The following COL5A3 variants were observed in gnomAD, a reference collection of about 807,000 sequenced individuals.
COL5A3 encodes collagen type V alpha 3 chain, also known as collagen alpha-3(V) chain.
A neutral mutation model predicts 250.0 loss-of-function variants in COL5A3; 172 were observed. The observed-to-expected ratio is 0.69, with a 90% CI of 0.61 to 0.78. The LOEUF is 0.78. Ranked by LOEUF, COL5A3 falls within the 30% of genes least tolerant of loss-of-function variation. The pLI is 0.00. For synonymous variants in COL5A3, 937 were observed against 900.4 expected (o/e 1.04, Z -0.73); for missense variants, 2,340 against 2,334.4 (o/e 1.00, Z -0.05).
At position 10,009,543 on chromosome 19, in the gene COL5A3, C is replaced by G. The variant is rs1286430998; in HGVS notation, c.88+755G>C. ...CCCCGCCCTGCGCCCCGCCCCGTCT[C>G]GCCCCTCACCGCGGCCCTCCCCGAA... On this transcript the variant is annotated intron_variant, in intron 1 of 66. Coordinates refer to ENST00000264828, the MANE Select transcript of COL5A3 (RefSeq NM_015719.4). This position sits in a 1 kb window ranked among gnomAD's most constrained non-coding sequence, Gnocchi z 4.4. Among the ~76,000 whole-genome samples, 3 of 152,230 alleles carry G rather than the reference C, an allele frequency of 2.0e-5. No homozygotes were observed. In the East Asian group the frequency reaches 5.8e-4, roughly 30 times the overall value.
rs1036766796 is a variant in COL5A3 at position 9,978,801 on chromosome 19, C to T, written c.2964+90G>A. The T allele has an allele frequency of 7.6e-6, 8 of 1,058,674 alleles. No homozygotes were observed. The African/African-American group carries it at 1.2e-4, about 15-fold the overall frequency. 65.6% of individuals were successfully genotyped at this position (1,058,674 alleles called of 1,614,324 possible). A position where few individuals can be genotyped will look rare whatever the true frequency, so the allele number is the denominator to read the frequency against. ...TTTTTTTTGCTTTCATCATTTCCCG[C>T]ACCCCAAATGCTATTCCCCATCCCT... is the stretch of plus-strand genomic sequence containing the variant. On this transcript the variant is annotated intron_variant, in intron 40 of 66. Transcript: ENST00000264828.
intron 32 of COL5A3, among the ~76,000 whole-genome samples, chr19:9,981,619 T>G (rs1312926817): frequency 6.6e-6 from 1 of 152,156 alleles, no homozygotes; most frequent in Non-Finnish European, 1.5e-5. Flanking sequence ...ACTGTTACAA[T>G]ACACACATAG....
rs142105120 is a variant in COL5A3 at position 9,991,797 on chromosome 19, A to G, written c.1938T>C (p.His646=). Residue 646 remains histidine, a synonymous_variant, in exon 23 of 67, where the codon CAT becomes CAC. Transcript: ENST00000264828. ...EPGPPGQQGN[H]GSQGLPGPQG... ...GAAAGACAGTTCAAACCTGGGACCC[A>G]TGGTTTCCCTGCTGTCCCGGAGGGC... 7.5e-6 allele frequency: 12 copies of G among 1,607,158 alleles called. No individual in the cohort carries two copies. The highest frequency in any genetic ancestry group is 5.1e-5 in the Admixed American group (3 of 59,054).
chr19:10,005,647 G>C lies in COL5A3; in HGVS notation c.505C>G (p.Pro169Ala), dbSNP rs759710288. 2.5e-6 allele frequency: 4 copies of C among 1,614,070 alleles called. No individual in the cohort carries two copies. The East Asian group carries it at 6.7e-5, about 27-fold the overall frequency. The part of the protein sequence containing the change: ...VTLVADCEAQ[P>A]PVLGHGPRFI... ...CGGGGGCCATGGCCCAAAACAGGGG[G>C]CTGAGCTTCACAGTCAGCTACCAGG... is the stretch of plus-strand genomic sequence containing the variant. Residue 169 changes from proline (P) to alanine (A), a missense_variant, in exon 4 of 67, where the codon CCC becomes GCC. By Grantham distance (27) the Pro-to-Ala change is conservative. This residue lies in a region of COL5A3 where 1,152 missense variants were observed against 1,146.3 expected (regional missense o/e 1.00). Coordinates refer to ENST00000264828, the MANE Select transcript of COL5A3 (RefSeq NM_015719.4).
intron 24 of COL5A3, among the ~76,000 whole-genome samples, chr19:9,990,601 C>T (rs141825246): frequency 0.16 from 24,146 of 151,252 alleles, 2,310 homozygotes; most frequent in East Asian, 0.22. Flanking sequence ...CTCGCTCTGT[C>T]GCCCAGGCTG....
chr19:9,986,502 C>G lies in COL5A3; in HGVS notation c.2244+51G>C, dbSNP rs767629587. The G allele has an allele frequency of 3.2e-6, 5 of 1,574,356 alleles. No individual in the cohort carries two copies. The South Asian group carries it at 4.4e-5, about 14-fold the overall frequency. On this transcript the variant is annotated intron_variant, in intron 29 of 66. Coordinates refer to ENST00000264828, the MANE Select transcript of COL5A3 (RefSeq NM_015719.4). ...TAGCCCCAGCTCATCCCCTCCCTAT[C>G]TTCCCCGAGCCCCCAGACCCACACC... is the stretch of plus-strand genomic sequence containing the variant.
At chr19:9,971,806 G>A (rs944893642) in intron 51 of COL5A3, among the ~76,000 whole-genome samples, 3 of 151,796 alleles carry the variant, frequency 2.0e-5, no homozygotes, top group Admixed American at 1.3e-4. Context: ...ATGATCTGCC[G>A]TGAAATCAAC....
At chr19:9,999,948 G>A (rs948223861) in intron 8 of COL5A3, among the ~76,000 whole-genome samples, 2 of 151,958 alleles carry the variant, frequency 1.3e-5, no homozygotes, top group African/African-American at 4.8e-5. Flanking sequence ...TGTAAAGATA[G>A]GGTCTCGCTA....
At chr19:9,982,996 C>A (rs145755760) in intron 31 of COL5A3, among the ~76,000 whole-genome samples, 3 of 152,066 alleles carry the variant, frequency 2.0e-5, no homozygotes, top group Non-Finnish European at 2.9e-5. Context: ...GCTGGGACTA[C>A]AGGTTCACGC....
chr19:9,978,195 T>A (rs1379562561), intron 41 of COL5A3, among the ~76,000 whole-genome samples: 3 of 151,970 alleles, frequency 2.0e-5, no homozygotes, highest in Non-Finnish European at 4.4e-5. Context: ...TGATCATACA[T>A]GAGATAAGGC....
chr19:9,995,954 A>G lies in COL5A3; in HGVS notation c.1533+112T>C, dbSNP rs558174420. ...CCACCATTCTCTAGGAAAGTCATCA[A>G]TTGCAAGGGTATCCCCAGCCCCTTT... On this transcript the variant is annotated intron_variant, in intron 15 of 66. Coordinates refer to ENST00000264828, the MANE Select transcript of COL5A3 (RefSeq NM_015719.4). The G allele has an allele frequency of 1.0e-5, 11 of 1,092,044 alleles. No individual in the cohort carries two copies. The South Asian group carries it at 2.3e-4, about 22-fold the overall frequency. 67.6% of individuals were successfully genotyped at this position (1,092,044 alleles called of 1,614,324 possible). A position where few individuals can be genotyped will look rare whatever the true frequency, so the allele number is the denominator to read the frequency against.
chr19:9,999,998 T>C (rs1260230931), intron 8 of COL5A3, among the ~76,000 whole-genome samples: 1 of 152,106 alleles, frequency 6.6e-6, no homozygotes, highest in Non-Finnish European at 1.5e-5. Context: ...GCTCAGGTGA[T>C]CTTCCCGCCT....
rs774300689 is a variant in COL5A3, at chr19:9,968,040, G to T, written c.4354C>A (p.Pro1452Thr). The T allele has an allele frequency of 1.9e-5, 30 of 1,588,688 alleles. No homozygotes were observed. In the South Asian group the frequency reaches 3.1e-4, roughly 17 times the overall value. Residue 1452 changes from proline (P) to threonine (T), a missense_variant, in exon 60 of 67, where the codon CCC becomes ACC. Around this residue, in one of 3 missense-constraint regions of COL5A3, gnomAD observed 1,179 missense variants for 1,162.6 expected, o/e 1.01. Coordinates refer to ENST00000264828, the MANE Select transcript of COL5A3 (RefSeq NM_015719.4). The surrounding 1 kb of genome is among the most constrained non-coding windows in gnomAD (Gnocchi z 4.1). ...TGCATACTCACCGCCACACCTGGGGGCCCAGGGTGGCCCAGAGAGCCAATG... is the reference window on the plus strand; with the variant it reads ...TGCATACTCACCGCCACACCTGGGGTCCCAGGGTGGCCCAGAGAGCCAATG... ...GPIGSLGHPGPPGVAGPLGQK... is the reference protein window; with the variant it reads ...GPIGSLGHPGTPGVAGPLGQK...
chr19:9,991,885 G>T lies in COL5A3; in HGVS notation c.1894-44C>A, dbSNP rs188382700. 71 of 1,596,624 alleles carry T rather than the reference G, an allele frequency of 4.4e-5. No homozygotes were observed. The East Asian group carries it at 1.2e-3, about 26-fold the overall frequency. ...TTCAGTGAAGCTAAGAGGGGTCATGGTGTTGGGGCGTTAGTGAAATTGACT... is the reference window on the plus strand; with the variant it reads ...TTCAGTGAAGCTAAGAGGGGTCATGTTGTTGGGGCGTTAGTGAAATTGACT... On this transcript the variant is annotated intron_variant, in intron 22 of 66. Coordinates refer to ENST00000264828, the MANE Select transcript of COL5A3 (RefSeq NM_015719.4).
At position 9,986,770 on chromosome 19, in the gene COL5A3, A is replaced by AAAT. The variant is rs1568421167; in HGVS notation, c.2146-13_2146-12insATT. The AAAT allele has an allele frequency of 6.2e-7, 1 of 1,611,724 alleles. No individual in the cohort carries two copies. The highest frequency in any genetic ancestry group is 1.3e-5 in the African/African-American group (1 of 74,456). ...TTGCCTGAAGTGCCCTGGAAAATAA[A>AAAT]AAAAAAAAGCTCTCAAGCCTCTTCC... is the stretch of plus-strand genomic sequence containing the variant. On this transcript the variant is annotated splice_polypyrimidine_tract_variant and intron_variant, in intron 27 of 66. Coordinates refer to ENST00000264828, the MANE Select transcript of COL5A3 (RefSeq NM_015719.4).
chr19:9,992,733 C>T (rs1238981120), intron 21 of COL5A3, 94 bp downstream of exon 21: 12 of 1,275,716 alleles, frequency 9.4e-6, no homozygotes, highest in Admixed American at 1.8e-5. Flanking sequence ...GCTGAGATCT[C>T]GCCACCGCAC....
Position 10,001,572 on chromosome 19 carries a change from G to C in COL5A3, c.1062C>G (p.Asp354Glu). Residue 354 changes from aspartate to glutamate, a missense_variant, in exon 8 of 67, where the codon GAC (aspartate) becomes GAG (glutamate). Coordinates refer to ENST00000264828, the MANE Select transcript of COL5A3 (RefSeq NM_015719.4). The part of the protein sequence containing the change: ...EEGDDSTMGP[D>E]FRAAEYPSRT... ...GAGATGGATATTCTGCTGCCCGGAAGTCAGGGCCCATGGTGGAATCATCTC... is the reference window on the plus strand; with the variant it reads ...GAGATGGATATTCTGCTGCCCGGAACTCAGGGCCCATGGTGGAATCATCTC... 6.2e-7 allele frequency: 1 copy of C among 1,614,122 alleles called. No individual in the cohort carries two copies. The highest frequency in any genetic ancestry group is 8.5e-7 in the Non-Finnish European group (1 of 1,180,010).
At chr19:9,994,861 G>A (rs2087247103) in intron 16 of COL5A3, among the ~76,000 whole-genome samples, 1 of 151,436 alleles carries the variant, frequency 6.6e-6, no homozygotes. Context: ...ACATAGAAAT[G>A]GTACAGTAAA....
Position 9,979,383 on chromosome 19 carries a change from G to GGGC in COL5A3, c.2746_2747insGCC (p.Ala916delinsGlyPro), listed in dbSNP as rs779657007. On this transcript the variant is annotated protein_altering_variant, in exon 38 of 67. Transcript: ENST00000264828. The stretch of plus-strand genomic sequence containing the variant: ...TCTGACCTGAGGGCCTAAGACACCA[G>GGGC]CTGGTCCAGGCGGGCCTGTCTGACC... 7.4e-6 allele frequency: 12 copies of GGGC among 1,614,044 alleles called. No individual in the cohort carries two copies. The highest frequency in any genetic ancestry group is 1.0e-5 in the Non-Finnish European group (12 of 1,180,018).
Sources: allele counts gnomAD v4.1 joint callset (sites outside exome capture counted in the v4.1 genomes callset), GRCh38; gene constraint gnomAD v4.1.1; regional missense constraint gnomAD v4.1.1; non-coding constraint Gnocchi (gnomAD v3.1); transcripts MANE v1.5; gene names NCBI Gene and HGNC (gene_info 2026-07-23, HGNC 2026-07-21).